The following SPINDOC variants were observed in gnomAD, a reference collection of about 807,000 sequenced individuals.
The protein encoded by SPINDOC is spindlin interactor and repressor of chromatin binding, also known as spindlin interactor and repressor of chromatin-binding protein.
A neutral mutation model predicts 30.7 loss-of-function variants in SPINDOC; 13 were observed. The observed-to-expected ratio is 0.42, with a 90% CI of 0.28 to 0.67. SPINDOC has a LOEUF of 0.67. Among genes scored for constraint, SPINDOC ranks in the 30% least tolerant of loss-of-function variants. The probability of loss-of-function intolerance (pLI) is 0.22; values close to 1 mark genes in which losing one functional copy is unlikely to be tolerated. For missense variants in SPINDOC, 438 were observed against 518.0 expected, an observed-to-expected ratio of 0.85 and a Z score of 1.50; for synonymous variants, 228 against 211.4, an observed-to-expected ratio of 1.08 and a Z score of -0.68.
At chr11:63,825,785 C>T (rs558018331) in intron 5 of SPINDOC, among the ~76,000 whole-genome samples, 13 of 152,232 alleles carry the variant, frequency 8.5e-5, no homozygotes, top group Admixed American at 3.9e-4. Context: ...TCCAGCACAT[C>T]GCACAGCAAA....
At position 63,816,356 on chromosome 11, in the gene SPINDOC, G is replaced by A. The variant is rs373134569; in HGVS notation, c.128-1449G>A. On this transcript the variant is annotated intron_variant, in intron 1 of 5. Transcript: ENST00000294244. Reference sequence around the variant, plus strand: ...GAAAATCAAGATGGAAGAGGTGATCGGCAGAGGATGAAGTTGAGAAACTGA... The same window carrying A: ...GAAAATCAAGATGGAAGAGGTGATCAGCAGAGGATGAAGTTGAGAAACTGA... Among the ~76,000 whole-genome samples, 8 of 152,266 alleles carry A rather than the reference G, an allele frequency of 5.3e-5. No homozygotes were observed. In the East Asian group the frequency reaches 1.5e-3, roughly 29 times the overall value.
chr11:63,823,153 G>A (rs2015572905), intron 5 of SPINDOC: 3 of 1,289,128 alleles, frequency 2.3e-6, no homozygotes, highest in Non-Finnish European at 2.0e-6. Context: ...GCTGGAGGCA[G>A]TAAATCTTTA....
intron 5 of SPINDOC, among the ~76,000 whole-genome samples, chr11:63,822,084 G>A (rs559632940): frequency 1.1e-4 from 17 of 152,244 alleles, no homozygotes; most frequent in Admixed American, 6.5e-4. Flanking sequence ...TCACAGACCT[G>A]TCATTCCCAG....
chr11:63,816,997 A>G (rs2015358871), intron 1 of SPINDOC, among the ~76,000 whole-genome samples: 1 of 151,808 alleles, frequency 6.6e-6, no homozygotes, highest in South Asian at 2.1e-4. Context: ...GCAAGACCCC[A>G]TCTCTTAAAA....
At chr11:63,822,563 C>T (rs758359278) in intron 5 of SPINDOC, 1 of 1,267,002 alleles carries the variant, frequency 7.9e-7, no homozygotes, top group Non-Finnish European at 1.0e-6. Flanking sequence ...TAAATTTGAG[C>T]CCCCCGTTTT....
chr11:63,826,885 G>A, intron 5 of SPINDOC, 43 bp from the exon 6 acceptor site: 1 of 991,308 alleles, frequency 1.0e-6, no homozygotes, highest in Admixed American at 1.8e-5. Flanking sequence ...GTGGTGGGGT[G>A]TCTGGGGGGC....
intron 5 of SPINDOC, chr11:63,823,510 AG>A (rs1369316264): frequency 3.7e-6 from 1 of 270,854 alleles, no homozygotes; most frequent in African/African-American, 2.3e-5. Context: ...GAGGATGGGG[AG>A]AGTGTGCAGG....
chr11:63,814,297 G>A (rs981921604), intron 1 of SPINDOC, among the ~76,000 whole-genome samples: 1 of 152,230 alleles, frequency 6.6e-6, no homozygotes, highest in South Asian at 2.1e-4. Context: ...AGGGCTCTCC[G>A]AGCATAACGC....
In SPINDOC at chr11:63,818,847, C is replaced by T. The variant is rs762037545; in HGVS notation, c.779C>T (p.Ala260Val). The T allele has an allele frequency of 6.2e-7, 1 of 1,614,054 alleles. No individual in the cohort carries two copies. The highest frequency in any genetic ancestry group is 1.1e-5 in the South Asian group (1 of 91,082). Residue 260 changes from alanine (A) to valine (V), a missense_variant, in exon 5 of 6, where the codon GCC (alanine) becomes GTC (valine). Ala to Val is a moderately conservative substitution (Grantham distance 64). Transcript: ENST00000294244. This position sits in a 1 kb window ranked among gnomAD's most constrained non-coding sequence, Gnocchi z 5.3. ...CCCACGGAGACTTTCGCAGCACCAG[C>T]CGAGGTCCGACACTTCACTGACGGC... ...DSPTETFAAP[A>V]EVRHFTDGSF...
At position 63,818,457 on chromosome 11, in the gene SPINDOC, C is replaced by T. The variant is rs2015409984; in HGVS notation, c.608-70C>T. On this transcript the variant is annotated intron_variant, in intron 3 of 5. Transcript: ENST00000294244. This position sits in a 1 kb window ranked among gnomAD's most constrained non-coding sequence, Gnocchi z 5.3. ...GCCCTGTGTTCTGGGCAGGTATCTT[C>T]AGGAGCCCTGGGGTGGCAGGGTTCG... The T allele has an allele frequency of 4.4e-6, 7 of 1,603,580 alleles. No homozygotes were observed. The South Asian group carries it at 4.4e-5, about 10-fold the overall frequency.
At position 63,827,262 on chromosome 11, in the gene SPINDOC, G is replaced by T; in HGVS notation, c.*123G>T. 1 of 1,462,414 alleles carries T rather than the reference G, an allele frequency of 6.8e-7. No individual in the cohort carries two copies. Among genetic ancestry groups the T allele is most frequent in the South Asian group, 1.3e-5 (1 of 74,442 alleles). 90.6% of individuals were successfully genotyped at this position (1,462,414 alleles called of 1,614,324 possible). A position where few individuals can be genotyped will look rare whatever the true frequency, so the allele number is the denominator to read the frequency against. On this transcript the variant is annotated 3_prime_UTR_variant, in exon 6 of 6. Coordinates refer to ENST00000294244, the MANE Select transcript of SPINDOC (RefSeq NM_138471.3). ...AGAAACAGGTGCCAGGGCAGGAGGG[G>T]GCTGGGGCAGCATCCACTGTTATTT...
Position 63,827,051 on chromosome 11 carries a change from G to A in SPINDOC, c.1058G>A (p.Gly353Glu), listed in dbSNP as rs2015671392. The change falls in exon 6 of 6, where the codon GGA (glycine) becomes GAA (glutamate). Residue 353 changes from glycine (G) to glutamate (E), a missense_variant. Gly to Glu is a moderately conservative substitution (Grantham distance 98, BLOSUM62 -2). This residue lies in a region of SPINDOC where 300 missense variants were observed against 332.8 expected (regional missense o/e 0.90). Coordinates refer to ENST00000294244, the MANE Select transcript of SPINDOC (RefSeq NM_138471.3). Reference sequence around the variant, plus strand: ...CACCCCCAGGGCACCAAGCGTGTGGGAGCAGGTGACACCTCAGACTGGCCC... The same window carrying A: ...CACCCCCAGGGCACCAAGCGTGTGGAAGCAGGTGACACCTCAGACTGGCCC... ...SRHPQGTKRV[G>E]AGDTSDWPTV... 6.2e-7 allele frequency: 1 copy of A among 1,614,180 alleles called. No homozygotes were observed.
At position 63,823,443 on chromosome 11, in the gene SPINDOC, A is replaced by T. The variant is rs768828093; in HGVS notation, c.935-3485A>T. On this transcript the variant is annotated intron_variant, in intron 5 of 5. Transcript: ENST00000294244. ...GTGGTCAGGTTAGCTGAGCTGATGA[A>T]TGTGAATGTGAGGTAGTCCAGGAAG... 5.0e-5 allele frequency: 35 copies of T among 695,072 alleles called. 1 individual carries two copies. The Middle Eastern group carries it at 1.8e-3, about 37-fold the overall frequency. The allele number at this position is 695,072 out of a possible 1,614,324, so 43.1% of individuals were successfully genotyped here.
At chr11:63,825,870 A>T (rs976239055) in intron 5 of SPINDOC, among the ~76,000 whole-genome samples, 6 of 152,180 alleles carry the variant, frequency 3.9e-5, no homozygotes, top group African/African-American at 1.4e-4. Flanking sequence ...ACACACACAA[A>T]TAAATCCTTC....
intron 1 of SPINDOC, 60 bp from the exon 2 acceptor site, chr11:63,817,745 C>A: frequency 7.1e-7 from 1 of 1,410,588 alleles, no homozygotes; most frequent in Non-Finnish European, 9.6e-7. Context: ...TGGAGACGTG[C>A]TAAGTGTTGT....
chr11:63,816,966 A>AAGGCTG (rs2015358216), intron 1 of SPINDOC, among the ~76,000 whole-genome samples: 1 of 152,104 alleles, frequency 6.6e-6, no homozygotes. Flanking sequence ...CCGGGAGTTC[A>AAGGCTG]CAACCAGCCT....
chr11:63,820,443 C>G (rs1438912952), intron 5 of SPINDOC, among the ~76,000 whole-genome samples: 1 of 151,642 alleles, frequency 6.6e-6, no homozygotes, highest in Non-Finnish European at 1.5e-5. Context: ...TTATTTGGCC[C>G]TTACAAAAAT....
rs2015250253 is a variant in SPINDOC, at chr11:63,813,543, G to C, written c.-144G>C. ...CGGTCGCAGGCCCGGCCGGCGAGCG[G>C]CGGGCGGGCGGCGGGGAGGGGGCTG... On this transcript the variant is annotated 5_prime_UTR_variant, in exon 1 of 6. Transcript: ENST00000294244. The C allele has an allele frequency of 1.6e-6, 1 of 642,320 alleles. No individual in the cohort carries two copies. The highest frequency in any genetic ancestry group is 6.5e-5 in the Admixed American group (1 of 15,434). The allele number at this position is 642,320 out of a possible 1,614,324, so 39.8% of individuals were successfully genotyped here. A position where few individuals can be genotyped will look rare whatever the true frequency, so the allele number is the denominator to read the frequency against.
intron 5 of SPINDOC, among the ~76,000 whole-genome samples, chr11:63,825,012 G>C (rs1260915065): frequency 6.6e-6 from 1 of 152,156 alleles, no homozygotes; most frequent in Non-Finnish European, 1.5e-5. Flanking sequence ...TGCTACCCTA[G>C]TCAGGGCCGG....
Sources: allele counts gnomAD v4.1 joint callset (sites outside exome capture counted in the v4.1 genomes callset), GRCh38; gene constraint gnomAD v4.1.1; regional missense constraint gnomAD v4.1.1; non-coding constraint Gnocchi (gnomAD v3.1); transcripts MANE v1.5; gene names NCBI Gene and HGNC (gene_info 2026-07-23, HGNC 2026-07-21).